The following CNTN5 variants were observed in gnomAD, a reference collection of about 807,000 sequenced individuals.
CNTN5 encodes the protein contactin-5.
Under a neutral mutation model 129.1 loss-of-function variants are expected in CNTN5, and 77 were observed. That is an observed-to-expected ratio of 0.60 (90% CI 0.50 to 0.72). The LOEUF (loss-of-function observed/expected upper bound fraction) is 0.72, where lower values mean the gene tolerates loss of function less well. Among genes scored for constraint, CNTN5 ranks in the 30% least tolerant of loss-of-function variants. CNTN5 has a pLI of 0.00. For synonymous variants in CNTN5, 509 were observed against 465.6 expected, an observed-to-expected ratio of 1.09 and a Z score of -1.20; for missense variants, 1,478 against 1,328.8, an observed-to-expected ratio of 1.11 and a Z score of -1.75.
intron 6 of CNTN5, among the ~76,000 whole-genome samples, chr11:99,896,422 G>C (rs1202496873): frequency 2.0e-5 from 3 of 152,108 alleles, no homozygotes; most frequent in African/African-American, 7.2e-5. Context: ...CTGAAGAGAT[G>C]GGTCACTTTC....
At chr11:99,510,760 T>C (rs1364595907) in intron 2 of CNTN5, among the ~76,000 whole-genome samples, 1 of 152,210 alleles carries the variant, frequency 6.6e-6, no homozygotes, top group Non-Finnish European at 1.5e-5. Context: ...AATGATAATA[T>C]ACAACTATGT....
chr11:100,162,961 C>A (rs1257502121), intron 13 of CNTN5, among the ~76,000 whole-genome samples: 2 of 151,752 alleles, frequency 1.3e-5, no homozygotes, highest in African/African-American at 4.8e-5. Context: ...TTTATTCTCA[C>A]TAGAGGAAGC....
At chr11:99,366,301 C>T (rs1939442755) in intron 2 of CNTN5, among the ~76,000 whole-genome samples, 1 of 152,160 alleles carries the variant, frequency 6.6e-6, no homozygotes, top group Non-Finnish European at 1.5e-5. Context: ...TCAACCTTCA[C>T]ACCCCTTCAT....
intron 1 of CNTN5, among the ~76,000 whole-genome samples, chr11:99,074,701 A>G (rs1440535967): frequency 5.3e-5 from 8 of 152,166 alleles, no homozygotes; most frequent in Non-Finnish European, 1.2e-4. Context: ...TGCATTTTTT[A>G]TAAAGAGGCT....
At position 99,213,374 on chromosome 11, in the gene CNTN5, G is replaced by GTA. The variant is rs750396360; in HGVS notation, c.-209-111967_-209-111966dup. 3.0e-3 allele frequency among the ~76,000 whole-genome samples: 312 copies of GTA among 103,550 alleles called. 1 individual carries two copies. The highest frequency in any genetic ancestry group is 0.012 in the African/African-American group (309 of 25,776). 67.9% of individuals were successfully genotyped at this position (103,550 alleles called of 152,430 possible). ...TATATATGTGTATATATGTATATAT[G>GTA]TATATACATATATACACGTGTATAT... On this transcript the variant is annotated intron_variant, in intron 1 of 24. Coordinates refer to ENST00000524871, the MANE Select transcript of CNTN5 (RefSeq NM_014361.4).
At chr11:99,106,539 T>C (rs1004692458) in intron 1 of CNTN5, among the ~76,000 whole-genome samples, 5 of 152,060 alleles carry the variant, frequency 3.3e-5, no homozygotes, top group African/African-American at 1.2e-4. Flanking sequence ...GATACTACAG[T>C]AATACATTTG....
At chr11:100,175,006 A>C (rs542480368) in intron 13 of CNTN5, among the ~76,000 whole-genome samples, 22 of 152,194 alleles carry the variant, frequency 1.4e-4, no homozygotes, top group African/African-American at 4.8e-4. Flanking sequence ...AGCTGTTAAA[A>C]AATTTTACTG....
At chr11:100,287,196 C>T (rs1338613005) in intron 18 of CNTN5, among the ~76,000 whole-genome samples, 1 of 152,144 alleles carries the variant, frequency 6.6e-6, no homozygotes, top group African/African-American at 2.4e-5. Flanking sequence ...GAATATTATC[C>T]AGGAGAACTT....
At chr11:100,244,111 T>G (rs1321385702) in intron 16 of CNTN5, among the ~76,000 whole-genome samples, 2 of 152,126 alleles carry the variant, frequency 1.3e-5, no homozygotes, top group Admixed American at 1.3e-4. Flanking sequence ...AAGTACCAAC[T>G]CATTGCTGTG....
At chr11:100,128,158 A>G (rs1047567971) in intron 13 of CNTN5, among the ~76,000 whole-genome samples, 1 of 152,092 alleles carries the variant, frequency 6.6e-6, no homozygotes, top group African/African-American at 2.4e-5. Flanking sequence ...GAACATCTCC[A>G]CTTGGCTGGC....
At chr11:99,574,965 T>C (rs1949296785) in intron 3 of CNTN5, among the ~76,000 whole-genome samples, 1 of 152,154 alleles carries the variant, frequency 6.6e-6, no homozygotes, top group Non-Finnish European at 1.5e-5. Context: ...GGAAATAGAC[T>C]GGAAATAGGA....
chr11:99,063,952 T>G (rs1864995082), intron 1 of CNTN5, among the ~76,000 whole-genome samples: 1 of 152,108 alleles, frequency 6.6e-6, no homozygotes, highest in Non-Finnish European at 1.5e-5. Context: ...TCATATCACA[T>G]AAATTTATGT....
chr11:100,045,255 T>C (rs2137704095), intron 9 of CNTN5, among the ~76,000 whole-genome samples: 1 of 152,258 alleles, frequency 6.6e-6, no homozygotes, highest in Non-Finnish European at 1.5e-5. Context: ...TCAATGGATA[T>C]ACCACAGAAA....
At chr11:100,195,598 TAGA>T (rs1353613840) in intron 15 of CNTN5, among the ~76,000 whole-genome samples, 1 of 151,806 alleles carries the variant, frequency 6.6e-6, no homozygotes, top group Admixed American at 6.6e-5. Context: ...AACTCTGAGA[TAGA>T]AGAAGAAAGC....
At chr11:99,707,045 A>G (rs1036789484) in intron 3 of CNTN5, among the ~76,000 whole-genome samples, 2 of 151,554 alleles carry the variant, frequency 1.3e-5, no homozygotes, top group South Asian at 2.1e-4. Context: ...GTTAATAGCC[A>G]TGTGGGTGAG....
chr11:100,010,999 T>G (rs1940492218), intron 9 of CNTN5, among the ~76,000 whole-genome samples: 1 of 152,158 alleles, frequency 6.6e-6, no homozygotes, highest in Non-Finnish European at 1.5e-5. Flanking sequence ...TTTAGTGTGC[T>G]GAATTTTGGG....
intron 2 of CNTN5, among the ~76,000 whole-genome samples, chr11:99,451,565 A>C: frequency 6.6e-6 from 1 of 152,166 alleles, no homozygotes; most frequent in East Asian, 1.9e-4. Context: ...GAGTTTTCTT[A>C]CTGATAGTGG....
intron 3 of CNTN5, among the ~76,000 whole-genome samples, chr11:99,744,939 C>T (rs1189008631): frequency 1.3e-5 from 2 of 152,032 alleles, no homozygotes; most frequent in African/African-American, 2.4e-5. Context: ...TTATTTTTAG[C>T]GTTCTATTCC....
At chr11:99,879,676 C>T (rs1361603624) in intron 6 of CNTN5, among the ~76,000 whole-genome samples, 3 of 152,092 alleles carry the variant, frequency 2.0e-5, no homozygotes, top group African/African-American at 4.8e-5. Context: ...TTATTGAGTT[C>T]GTTTATGGGC....
Sources: gnomAD v4.1 joint callset for allele counts (sites outside exome capture counted in the v4.1 genomes callset) on GRCh38, gnomAD v4.1.1 for gene constraint, MANE v1.5 for transcripts, NCBI Gene and HGNC (gene_info 2026-07-23, HGNC 2026-07-21) for gene names.